Variants in TCERG1L observed in about 807,000 individuals in gnomAD.
TCERG1L encodes the protein transcription elongation regulator 1 like.
In TCERG1L, 37 loss-of-function variants were observed where a neutral mutation model predicts 56.3. The ratio of observed to expected loss-of-function variants is 0.66; its 90% CI spans 0.51 to 0.87. The LOEUF is 0.87. Ranked by LOEUF, TCERG1L falls within the 40% of genes least tolerant of loss-of-function variation. The probability of loss-of-function intolerance (pLI) is 0.00; values close to 1 mark genes in which losing one functional copy is unlikely to be tolerated. For synonymous variants in TCERG1L, 324 were observed against 326.3 expected (o/e 0.99, Z 0.08); for missense variants, 799 against 774.2 (o/e 1.03, Z -0.38).
chr10:131,291,396 CATTTCTTTTT>C, intron 3 of TCERG1L, among the ~76,000 whole-genome samples: 1 of 67,742 alleles, frequency 1.5e-5, no homozygotes, highest in South Asian at 4.9e-4. Context: ...CCATAAACAG[CATTTCTTTTT>C]TTTTTTTTTT....
intron 3 of TCERG1L, among the ~76,000 whole-genome samples, chr10:131,290,950 T>C (rs1053255864): frequency 6.6e-6 from 1 of 152,162 alleles, no homozygotes; most frequent in Non-Finnish European, 1.5e-5. Flanking sequence ...GCGTGGCCCG[T>C]TGCATCCCAC....
intron 8 of TCERG1L, among the ~76,000 whole-genome samples, chr10:131,124,836 GCT>G (rs1162483429): frequency 2.6e-5 from 4 of 152,232 alleles, no homozygotes; most frequent in Non-Finnish European, 5.9e-5. Flanking sequence ...CCCACTGTGT[GCT>G]CTGTGTTCTC....
rs541536836 is a variant in TCERG1L at position 131,191,840 on chromosome 10, G to T, written c.857-24955C>A. ...AGATCGCGCCACTGCACTCCAGCCT[G>T]GGGGACAGAGCAAGACTCCGTCTCA... On this transcript the variant is annotated intron_variant, in intron 4 of 11. Transcript: ENST00000368642. Among the ~76,000 whole-genome samples the T allele has an allele frequency of 2.3e-4, 28 of 123,538 alleles. 1 individual carries two copies. The highest frequency in any genetic ancestry group is 8.8e-4 in the African/African-American group (28 of 31,812). 81.0% of individuals were successfully genotyped at this position (123,538 alleles called of 152,430 possible).
chr10:131,111,052 G>A (rs1026001995), intron 9 of TCERG1L, among the ~76,000 whole-genome samples: 1 of 143,446 alleles, frequency 7.0e-6, no homozygotes, highest in African/African-American at 2.5e-5. Context: ...AGAAAAGGGC[G>A]AAAGCTAGCA....
chr10:131,144,847 C>T (rs144240892), intron 7 of TCERG1L, among the ~76,000 whole-genome samples: 3 of 152,146 alleles, frequency 2.0e-5, no homozygotes, highest in Non-Finnish European at 2.9e-5. Flanking sequence ...GACGGAGCAT[C>T]GAGCTATGAG....
In TCERG1L at chr10:131,143,012, G is replaced by A. The variant is rs539234185; in HGVS notation, c.1189+3494C>T. Among the ~76,000 whole-genome samples, 8 of 152,294 alleles carry A rather than the reference G, an allele frequency of 5.3e-5. No individual in the cohort carries two copies. In the South Asian group the frequency reaches 6.2e-4, roughly 12 times the overall value. ...GAGAAGAGAGAGAGGCAAGATGGAC[G>A]AGGGGGCCAGGAGTCAAGGAAATCT... On this transcript the variant is annotated intron_variant, in intron 7 of 11. Coordinates refer to ENST00000368642, the MANE Select transcript of TCERG1L (RefSeq NM_174937.4).
intron 3 of TCERG1L, among the ~76,000 whole-genome samples, chr10:131,283,766 G>C (rs1323388379): frequency 2.6e-5 from 4 of 152,152 alleles, no homozygotes; most frequent in African/African-American, 2.4e-5. Context: ...TAAATGAAGA[G>C]AGACTTAGCA....
intron 4 of TCERG1L, among the ~76,000 whole-genome samples, chr10:131,225,213 A>C (rs2133502290): frequency 6.6e-6 from 1 of 152,290 alleles, no homozygotes; most frequent in African/African-American, 2.4e-5. Context: ...AGAGAGCAAA[A>C]ATGCTACAAC....
chr10:131,181,535 T>A (rs1352435401), intron 4 of TCERG1L, among the ~76,000 whole-genome samples: 2 of 152,240 alleles, frequency 1.3e-5, no homozygotes, highest in Non-Finnish European at 2.9e-5. Context: ...AAACATTCAG[T>A]GCCATGCACA....
chr10:131,159,918 C>A (rs918574192), intron 6 of TCERG1L, among the ~76,000 whole-genome samples: 4 of 152,184 alleles, frequency 2.6e-5, no homozygotes, highest in Non-Finnish European at 5.9e-5. Flanking sequence ...TGAGTGCAAA[C>A]CCACCCTCTG....
intron 3 of TCERG1L, among the ~76,000 whole-genome samples, chr10:131,300,884 A>G (rs994927998): frequency 1.3e-5 from 2 of 152,016 alleles, no homozygotes; most frequent in African/African-American, 2.4e-5. Flanking sequence ...AGTGAATGCA[A>G]TTTTGTCAGT....
chr10:131,278,692 G>A (rs1846420676), intron 3 of TCERG1L, among the ~76,000 whole-genome samples: 1 of 152,134 alleles, frequency 6.6e-6, no homozygotes, highest in Non-Finnish European at 1.5e-5. Flanking sequence ...TCCCTGCCGC[G>A]GAGTCACTTC....
In TCERG1L at chr10:131,253,929, C is replaced by T. The variant is rs916333347; in HGVS notation, c.856+6330G>A. On this transcript the variant is annotated intron_variant, in intron 4 of 11. Coordinates refer to ENST00000368642, the MANE Select transcript of TCERG1L (RefSeq NM_174937.4). ...GAGAAGATAGGCCAGGAATTGACAC[C>T]GAAGAGAATTGCCGGCGATGATAAA... Among the ~76,000 whole-genome samples, 3 of 152,162 alleles carry T rather than the reference C, an allele frequency of 2.0e-5. No homozygotes were observed. The East Asian group carries it at 5.8e-4, about 30-fold the overall frequency.
rs1389394410 is a variant in TCERG1L at position 131,163,138 on chromosome 10, C to T, written c.1018G>A (p.Val340Met). The T allele has an allele frequency of 2.5e-6, 4 of 1,578,958 alleles. No homozygotes were observed. Among genetic ancestry groups the T allele is most frequent in the South Asian group, 1.2e-5 (1 of 85,594 alleles). The change falls in exon 6 of 12, where the codon GTG becomes ATG. Residue 340 changes from valine to methionine, a missense_variant. Coordinates refer to ENST00000368642, the MANE Select transcript of TCERG1L (RefSeq NM_174937.4). ...RGNRPVASTP[V>M]PGSPWCVVWT... ...GTGTCTTACCAGGGGGATCCGGGCA[C>T]CGGGGTGGAGGCCACTGGCCTGTTG...
chr10:131,253,847 G>T (rs1026099298), intron 4 of TCERG1L, among the ~76,000 whole-genome samples: 13 of 152,162 alleles, frequency 8.5e-5, no homozygotes, highest in South Asian at 2.1e-4. Flanking sequence ...CAGGGCCTCA[G>T]TGGTGAATAG....
intron 10 of TCERG1L, among the ~76,000 whole-genome samples, chr10:131,101,541 C>A (rs990753461): frequency 6.6e-6 from 1 of 152,180 alleles, no homozygotes. Flanking sequence ...ACGCCACACA[C>A]AACCCACACG....
intron 9 of TCERG1L, among the ~76,000 whole-genome samples, chr10:131,114,559 G>A (rs72841875): frequency 0.2 from 30,772 of 150,780 alleles, 3,760 homozygotes; most frequent in East Asian, 0.37. Flanking sequence ...TAATAACCTG[G>A]GAAGAAAAAG....
chr10:131,285,492 GA>G (rs1340425583), intron 3 of TCERG1L, among the ~76,000 whole-genome samples: 1 of 17,536 alleles, frequency 5.7e-5, no homozygotes, highest in African/African-American at 9.9e-5. Context: ...AAGAAAGAAA[GA>G]AAGAAAGAAA....
chr10:131,264,693 A>G (rs1317185101), intron 3 of TCERG1L, among the ~76,000 whole-genome samples: 1 of 152,146 alleles, frequency 6.6e-6, no homozygotes, highest in African/African-American at 2.4e-5. Context: ...CTCAGGTCTC[A>G]TTATCTGAGG....
Sources: allele counts gnomAD v4.1 joint callset (sites outside exome capture counted in the v4.1 genomes callset), GRCh38; gene constraint gnomAD v4.1.1; transcripts MANE v1.5; gene names NCBI Gene and HGNC (gene_info 2026-07-23, HGNC 2026-07-21).